MYO10: variants seen among roughly 807,000 people sequenced by gnomAD.
The protein encoded by MYO10 is myosin X, also known as unconventional myosin-X.
MYO10 carries 133 observed loss-of-function variants against 257.3 expected under a neutral mutation model. The observed-to-expected ratio is 0.52, with a 90% confidence interval of 0.45 to 0.60. The LOEUF is 0.60. Among genes scored for constraint, MYO10 ranks in the 20% least tolerant of loss-of-function variants. The pLI, the probability that MYO10 is intolerant of heterozygous loss-of-function variation, is 0.00. For missense variants in MYO10, 2,399 were observed against 2,635.7 expected (o/e 0.91, Z 1.97); for synonymous variants, 1,104 against 1,028.6 (o/e 1.07, Z -1.40).
intron 3 of MYO10, among the ~76,000 whole-genome samples, chr5:16,807,128 C>G (rs1305286936): frequency 6.6e-6 from 1 of 152,100 alleles, no homozygotes; most frequent in African/African-American, 2.4e-5. Flanking sequence ...TACTCACCAT[C>G]CCCCCGTTTC....
intron 2 of MYO10, among the ~76,000 whole-genome samples, chr5:16,856,566 C>T (rs1041114960): frequency 4.0e-5 from 6 of 151,380 alleles, no homozygotes; most frequent in Admixed American, 1.3e-4. Flanking sequence ...AAAAAAAGAG[C>T]GAGCCGTTTC....
intron 1 of MYO10, among the ~76,000 whole-genome samples, chr5:16,895,986 C>T (rs895071324): frequency 6.6e-6 from 1 of 152,204 alleles, no homozygotes; most frequent in African/African-American, 2.4e-5. Flanking sequence ...CTCAACCGGA[C>T]TGCAGACGAC....
intron 19 of MYO10, chr5:16,713,416 T>C (rs1738709032): frequency 2.0e-6 from 2 of 985,648 alleles, no homozygotes; most frequent in Admixed American, 6.2e-5. Flanking sequence ...CACACTGACC[T>C]TTTCCCCACA....
At chr5:16,865,682 G>A (rs911247455) in intron 2 of MYO10, among the ~76,000 whole-genome samples, 3 of 151,838 alleles carry the variant, frequency 2.0e-5, no homozygotes, top group Non-Finnish European at 4.4e-5. Context: ...GTGGTGGCAG[G>A]CGTCTGTAGT....
chr5:16,670,922 A>T lies in MYO10; in HGVS notation c.5487T>A (p.Val1829=). ...GATACTGGAGTCGCAGGGCAGCAAG[A>T]ACCTGGAGGTTTTCTTCCGGGGCTG... ...HHPAPEENLQ[V]LAALRLQYLQ... Residue 1829 remains valine (V), a synonymous_variant, in exon 39 of 41, where the codon GTT becomes GTA. Transcript: ENST00000513610. 6.2e-7 allele frequency: 1 copy of T among 1,613,746 alleles called. No individual in the cohort carries two copies. The highest frequency in any genetic ancestry group is 8.5e-7 in the Non-Finnish European group (1 of 1,179,718).
At chr5:16,815,575 TACCAGGTGCCTGGCA>T (rs1742578815) in intron 3 of MYO10, 2 of 643,192 alleles carry the variant, frequency 3.1e-6, no homozygotes, top group South Asian at 3.6e-5. Context: ...ATTGCACAAC[TACCAGGTGCCTGGCA>T]GTGTCCTTGG....
intron 18 of MYO10, among the ~76,000 whole-genome samples, chr5:16,757,140 A>G (rs2126645251): frequency 6.7e-6 from 1 of 150,114 alleles, no homozygotes; most frequent in Non-Finnish European, 1.5e-5. Context: ...AAAAAAAAAA[A>G]AAAGTCGGGT....
chr5:16,777,539 G>A (rs888722601), intron 9 of MYO10, among the ~76,000 whole-genome samples: 4 of 152,186 alleles, frequency 2.6e-5, no homozygotes, highest in African/African-American at 9.7e-5. Context: ...CAGCCTAGGA[G>A]GACGAATCTG....
chr5:16,874,119 G>C (rs1028216722), intron 2 of MYO10, among the ~76,000 whole-genome samples: 1 of 152,018 alleles, frequency 6.6e-6, no homozygotes, highest in East Asian at 1.9e-4. Context: ...TGGATCACAA[G>C]GTCAGCAGAT....
intron 28 of MYO10, among the ~76,000 whole-genome samples, chr5:16,689,491 A>G (rs1294525977): frequency 6.6e-6 from 1 of 152,004 alleles, no homozygotes; most frequent in African/African-American, 2.4e-5. Flanking sequence ...AAAGCTCAGA[A>G]GCTTCCAGAG....
At chr5:16,668,234 G>A (rs1461843429) in intron 40 of MYO10, 43 bp downstream of exon 40, 1 of 1,556,498 alleles carries the variant, frequency 6.4e-7, no homozygotes, top group East Asian at 2.3e-5. Context: ...TTTCTGTTTT[G>A]TCAAGACCAT....
chr5:16,673,781 T>C lies in MYO10; in HGVS notation c.5073A>G (p.Ile1691Met), dbSNP rs1031852315. The C allele has an allele frequency of 1.9e-6, 3 of 1,614,032 alleles. No homozygotes were observed. Among genetic ancestry groups the C allele is most frequent in the Non-Finnish European group, 2.5e-6 (3 of 1,179,908 alleles). The stretch of plus-strand genomic sequence containing the variant: ...TTTCCTGCCTGTGGATCAGAGCTTC[T>C]ATTTCATCTCGGGAAGGCACAAACT... ...CREFVPSRDE[I>M]EALIHRQEMT... The change falls in exon 36 of 41, where the codon ATA becomes ATG. Residue 1691 changes from isoleucine to methionine, a missense_variant. Physicochemically the swap from Ile to Met is conservative, Grantham distance 10 (BLOSUM62 1). This residue lies in a region of MYO10 where 1,820 missense variants were observed against 1,939.4 expected (regional missense o/e 0.94). Coordinates refer to ENST00000513610, the MANE Select transcript of MYO10 (RefSeq NM_012334.3).
chr5:16,871,328 T>C (rs532659634), intron 2 of MYO10, among the ~76,000 whole-genome samples: 2 of 152,292 alleles, frequency 1.3e-5, no homozygotes, highest in African/African-American at 2.4e-5. Flanking sequence ...CAAGAATCTA[T>C]GCCTGGCCCA....
At chr5:16,821,821 A>G (rs1476171287) in intron 2 of MYO10, among the ~76,000 whole-genome samples, 1 of 151,974 alleles carries the variant, frequency 6.6e-6, no homozygotes, top group Non-Finnish European at 1.5e-5. Flanking sequence ...GGGTGGAAAA[A>G]TCAAGAGAAC....
chr5:16,713,938 C>T (rs1295127631), intron 19 of MYO10, among the ~76,000 whole-genome samples: 4 of 152,092 alleles, frequency 2.6e-5, no homozygotes, highest in African/African-American at 2.4e-5. Context: ...GTCTCGATGG[C>T]GACAAATAGG....
chr5:16,801,120 A>G (rs1035265622), intron 3 of MYO10, among the ~76,000 whole-genome samples: 1 of 152,124 alleles, frequency 6.6e-6, no homozygotes, highest in African/African-American at 2.4e-5. Flanking sequence ...AACTCCCCAA[A>G]TTCCTCAAAA....
At position 16,798,172 on chromosome 5, in the gene MYO10, A is replaced by G. The variant is rs188342533; in HGVS notation, c.280-3339T>C. ...GCTCTTGGACTGGCCAGTCTCCAGA[A>G]CCATAAGCCAAGTAAACTTTTGCTC... is the stretch of plus-strand genomic sequence containing the variant. On this transcript the variant is annotated intron_variant, in intron 3 of 40. Coordinates refer to ENST00000513610, the MANE Select transcript of MYO10 (RefSeq NM_012334.3). 7.1e-3 allele frequency among the ~76,000 whole-genome samples: 1,085 copies of G among 152,264 alleles called. 5 individuals carry two copies. The highest frequency in any genetic ancestry group is 0.01 in the Non-Finnish European group (707 of 68,012).
At chr5:16,882,040 A>G (rs1422609350) in intron 1 of MYO10, among the ~76,000 whole-genome samples, 1 of 152,210 alleles carries the variant, frequency 6.6e-6, no homozygotes, top group Non-Finnish European at 1.5e-5. Context: ...TTGCATCTTA[A>G]TTTCTGAGAC....
At chr5:16,678,977 C>T (rs187150391) in intron 33 of MYO10, among the ~76,000 whole-genome samples, 92 of 152,306 alleles carry the variant, frequency 6.0e-4, no homozygotes, top group South Asian at 4.1e-4. Flanking sequence ...GTTCCATTTC[C>T]GGAAAGTGAG....
Sources: gnomAD v4.1 joint callset for allele counts (sites outside exome capture counted in the v4.1 genomes callset) on GRCh38, gnomAD v4.1.1 for gene constraint, gnomAD v4.1.1 regional missense constraint, MANE v1.5 for transcripts, NCBI Gene and HGNC (gene_info 2026-07-23, HGNC 2026-07-21) for gene names.